The following PPIP5K2 variants were observed in gnomAD, a reference collection of about 807,000 sequenced individuals.
The protein encoded by PPIP5K2 is diphosphoinositol pentakisphosphate kinase 2.
In PPIP5K2, 105 loss-of-function variants were observed where a neutral mutation model predicts 154.6. That is an observed-to-expected ratio of 0.68 (90% CI 0.58 to 0.80). The LOEUF (loss-of-function observed/expected upper bound fraction) is 0.80, where lower values mean the gene tolerates loss of function less well. Among genes scored for constraint, PPIP5K2 ranks in the 30% least tolerant of loss-of-function variants. PPIP5K2 has a pLI of 0.00. For synonymous variants in PPIP5K2, 480 were observed against 490.3 expected (o/e 0.98, Z 0.28); for missense variants, 992 against 1,504.6 (o/e 0.66, Z 5.64).
At chr5:103,174,920 C>A (rs1478006287) in intron 21 of PPIP5K2, among the ~76,000 whole-genome samples, 2 of 152,060 alleles carry the variant, frequency 1.3e-5, no homozygotes, top group African/African-American at 4.8e-5. Context: ...TTCCCACATA[C>A]AAAACTCAAT....
chr5:103,149,828 C>T (rs1488839029), intron 8 of PPIP5K2, among the ~76,000 whole-genome samples: 1 of 151,802 alleles, frequency 6.6e-6, no homozygotes, highest in Admixed American at 6.6e-5. Flanking sequence ...TCCAGAGTAG[C>T]TGGGATTACA....
chr5:103,174,342 C>A (rs782582410), intron 21 of PPIP5K2, among the ~76,000 whole-genome samples: 1 of 152,010 alleles, frequency 6.6e-6, no homozygotes, highest in African/African-American at 2.4e-5. Context: ...TCTACTATTA[C>A]GTAATGACAT....
chr5:103,188,836 T>C (rs1310680612), intron 28 of PPIP5K2: 2 of 201,554 alleles, frequency 9.9e-6, no homozygotes, highest in Non-Finnish European at 2.0e-5. Context: ...AATAGAGTAA[T>C]TTTATATTCC....
At position 103,140,175 on chromosome 5, in the gene PPIP5K2, A is replaced by T. The variant is rs186007029; in HGVS notation, c.487+1706A>T. 1.3e-4 allele frequency among the ~76,000 whole-genome samples: 20 copies of T among 152,088 alleles called. No homozygotes were observed. In the East Asian group the frequency reaches 3.1e-3, roughly 24 times the overall value. On this transcript the variant is annotated intron_variant, in intron 5 of 30. Transcript: ENST00000358359. ...AAAAAAAAAAAAAAAAATCTTAAAA[A>T]TAGCCTCAAAGGGACAAATCCAAGA...
chr5:103,187,756 A>T (rs1334763232), intron 28 of PPIP5K2, among the ~76,000 whole-genome samples: 1 of 152,090 alleles, frequency 6.6e-6, no homozygotes, highest in African/African-American at 2.4e-5. Flanking sequence ...TTCTGATCAC[A>T]TGGTTGTTTT....
intron 8 of PPIP5K2, among the ~76,000 whole-genome samples, chr5:103,149,898 C>T (rs1475198904): frequency 3.3e-5 from 5 of 151,792 alleles, no homozygotes; most frequent in African/African-American, 7.3e-5. Context: ...GGTTTCTCCA[C>T]GTTGGCCAGG....
chr5:103,180,054 G>C lies in PPIP5K2; in HGVS notation c.2788G>C (p.Asp930His), dbSNP rs368114214. The C allele has an allele frequency of 2.0e-5, 32 of 1,569,390 alleles. No homozygotes were observed. Among genetic ancestry groups the C allele is most frequent in the Non-Finnish European group, 2.8e-5 (32 of 1,160,778 alleles). The change falls in exon 24 of 31, where the codon GAT (aspartate) becomes CAT (histidine). Residue 930 changes from aspartate (D) to histidine (H), a missense_variant. This residue lies in a region of PPIP5K2 where 204 missense variants were observed against 224.0 expected (regional missense o/e 0.91). Coordinates refer to ENST00000358359, the MANE Select transcript of PPIP5K2 (RefSeq NM_001276277.3). ...EGRRPFKIDN[D>H]DEPHTSKRDE... Reference sequence around the variant, plus strand: ...CAGGAGACCTTTTAAAATTGATAATGATGATGAACCACATACTTCTAAAAG... The same window carrying C: ...CAGGAGACCTTTTAAAATTGATAATCATGATGAACCACATACTTCTAAAAG...
Position 103,192,528 on chromosome 5 carries a change from T to C in PPIP5K2, c.3493+1546T>C, listed in dbSNP as rs972539097. 3.3e-5 allele frequency among the ~76,000 whole-genome samples: 5 copies of C among 152,064 alleles called. 1 individual carries two copies. The highest frequency in any genetic ancestry group is 2.0e-4 in the Admixed American group (3 of 15,250). ...TAATTAGTAAATAAGAGTTTAGGGG[T>C]AGATCTCAACACTATTTAGATTGTA... On this transcript the variant is annotated intron_variant, in intron 29 of 30. Transcript: ENST00000358359.
At chr5:103,144,753 A>G (rs1186926923) in intron 5 of PPIP5K2, among the ~76,000 whole-genome samples, 1 of 152,182 alleles carries the variant, frequency 6.6e-6, no homozygotes, top group South Asian at 2.1e-4. Context: ...CTCTCTCCAT[A>G]TACATAATCA....
Position 103,146,567 on chromosome 5 carries a change from T to C in PPIP5K2, c.528T>C (p.Asn176=). The change falls in exon 6 of 31, where the codon AAT becomes AAC. Residue 176 remains asparagine, a synonymous_variant. Coordinates refer to ENST00000358359, the MANE Select transcript of PPIP5K2 (RefSeq NM_001276277.3). ...AAGGGGAAGATCATGTAGAAGTAAA[T>C]GGGGAAGTTTTTCAAAAGCCATTTG... ...LIEGEDHVEV[N]GEVFQKPFVE... is the part of the protein sequence containing the mutation. 1 of 1,611,824 alleles carries C rather than the reference T, an allele frequency of 6.2e-7. No homozygotes were observed. The highest frequency in any genetic ancestry group is 2.2e-5 in the East Asian group (1 of 44,756).
chr5:103,154,890 T>G lies in PPIP5K2; in HGVS notation c.1350T>G (p.Ser450=). 1 of 1,606,184 alleles carries G rather than the reference T, an allele frequency of 6.2e-7. No individual in the cohort carries two copies. The highest frequency in any genetic ancestry group is 8.5e-7 in the Non-Finnish European group (1 of 1,176,656). The change falls in exon 13 of 31, where the codon TCT becomes TCG. Residue 450 remains serine (S), a synonymous_variant. Coordinates refer to ENST00000358359, the MANE Select transcript of PPIP5K2 (RefSeq NM_001276277.3). Reference sequence around the variant, plus strand: ...TGGAGCTAGGGCAAAATAATGATTCTGAAATTGAAGAAAACAAGCCAAAAC... The same window carrying G: ...TGGAGCTAGGGCAAAATAATGATTCGGAAATTGAAGAAAACAAGCCAAAAC... The part of the protein sequence containing the change: ...LLMELGQNND[S]EIEENKPKLE...
chr5:103,133,771 A>G (rs1353363561), intron 3 of PPIP5K2, 123 bp downstream of exon 3: 2 of 698,666 alleles, frequency 2.9e-6, no homozygotes. Flanking sequence ...TGGACAGGTA[A>G]TATTAACATT....
intron 14 of PPIP5K2, among the ~76,000 whole-genome samples, chr5:103,157,391 A>G (rs979170060): frequency 6.6e-6 from 1 of 152,342 alleles, no homozygotes; most frequent in South Asian, 2.1e-4. Context: ...AAAATTTATT[A>G]GATTGCATAA....
intron 30 of PPIP5K2, among the ~76,000 whole-genome samples, chr5:103,196,295 C>A (rs1554228527): frequency 1.3e-5 from 2 of 152,068 alleles, no homozygotes; most frequent in African/African-American, 4.8e-5. Context: ...TTCTATTATA[C>A]CAGATTATAA....
intron 24 of PPIP5K2, among the ~76,000 whole-genome samples, chr5:103,181,150 T>C (rs1424208962): frequency 3.3e-5 from 5 of 152,180 alleles, no homozygotes; most frequent in Non-Finnish European, 5.9e-5. Flanking sequence ...TTAGCACCTG[T>C]ATACATTTTT....
chr5:103,145,544 T>C (rs1210645579), intron 5 of PPIP5K2, among the ~76,000 whole-genome samples: 1 of 152,044 alleles, frequency 6.6e-6, no homozygotes, highest in Non-Finnish European at 1.5e-5. Flanking sequence ...TAGATAATGG[T>C]ATATTATTCA....
chr5:103,167,211 A>G lies in PPIP5K2; in HGVS notation c.1953A>G (p.Lys651=), dbSNP rs1554218163. ...CATCTGGAAGCATTTCTCTTATCAA[A>G]TCAATGCATTTAATTAAAAACCCTG... ...LTPSGSISLI[K]SMHLIKNPVK... The change falls in exon 18 of 31, where the codon AAA becomes AAG. Residue 651 remains lysine, a synonymous_variant. Transcript: ENST00000358359. The G allele has an allele frequency of 3.1e-6, 5 of 1,588,636 alleles. No individual in the cohort carries two copies. The highest frequency in any genetic ancestry group is 4.3e-6 in the Non-Finnish European group (5 of 1,166,578).
At chr5:103,195,801 C>T (rs1251645115) in intron 30 of PPIP5K2, among the ~76,000 whole-genome samples, 2 of 152,148 alleles carry the variant, frequency 1.3e-5, no homozygotes, top group African/African-American at 4.8e-5. Context: ...GCTTTGACAA[C>T]AGCCTCATTG....
At chr5:103,168,378 G>T in intron 19 of PPIP5K2, 83 bp downstream of exon 19, 1 of 1,067,536 alleles carries the variant, frequency 9.4e-7, no homozygotes, top group Non-Finnish European at 1.4e-6. Context: ...AAGGTAGTTG[G>T]TTTTCATGTC....
Sources: gnomAD v4.1 joint callset for allele counts (sites outside exome capture counted in the v4.1 genomes callset) on GRCh38, gnomAD v4.1.1 for gene constraint, gnomAD v4.1.1 regional missense constraint, MANE v1.5 for transcripts, NCBI Gene and HGNC (gene_info 2026-07-23, HGNC 2026-07-21) for gene names.